The following GARRE1 variants were observed in gnomAD, a reference collection of about 807,000 sequenced individuals.
GARRE1 encodes the protein granule associated Rac and RHOG effector protein 1.
A neutral mutation model predicts 103.2 loss-of-function variants in GARRE1; 49 were observed. The ratio of observed to expected loss-of-function variants is 0.47; its 90% confidence interval spans 0.38 to 0.60. The LOEUF is 0.60. Among genes scored for constraint, GARRE1 ranks in the 20% least tolerant of loss-of-function variants. The pLI, the probability that GARRE1 is intolerant of heterozygous loss-of-function variation, is 0.00. For missense variants in GARRE1, 1,199 were observed against 1,370.5 expected (o/e 0.87, Z 1.98); for synonymous variants, 505 against 532.8 (o/e 0.95, Z 0.72).
rs1341575180 is a variant in GARRE1 at position 34,353,568 on chromosome 19, T to C, written c.*613T>C. The C allele has an allele frequency of 6.6e-6, 1 of 152,272 alleles. No individual in the cohort carries two copies. Among genetic ancestry groups the C allele is most frequent in the African/African-American group, 2.4e-5 (1 of 41,466 alleles). The allele number at this position is 152,272 out of a possible 1,614,324, so 9.4% of individuals were successfully genotyped here. On this transcript the variant is annotated 3_prime_UTR_variant, in exon 14 of 14. Transcript: ENST00000299505. ...AAATGGGCAAAATATAGAATATTTG[T>C]GATTGGAAGCAGTCACCTGGGGTTT...
At chr19:34,276,145 G>A (rs928698778) in intron 1 of GARRE1, among the ~76,000 whole-genome samples, 1 of 152,068 alleles carries the variant, frequency 6.6e-6, no homozygotes, top group Admixed American at 6.6e-5. Context: ...CTAGGTTCAA[G>A]CAGTTCTCCT....
At position 34,352,969 on chromosome 19, in the gene GARRE1, A is replaced by T. The variant is rs372433394; in HGVS notation, c.*14A>T. ...CCCCAGTACTGACCCCAGGCCAGCC[A>T]GCCTGCCTGCCTGCCTGCCTGCCCG... On this transcript the variant is annotated 3_prime_UTR_variant, in exon 14 of 14. Transcript: ENST00000299505. The T allele has an allele frequency of 0.021, 30,608 of 1,488,388 alleles. 328 individuals carry two copies. Among genetic ancestry groups the T allele is most frequent in the Non-Finnish European group, 0.024 (26,164 of 1,112,758 alleles). The allele number at this position is 1,488,388 out of a possible 1,614,324, so 92.2% of individuals were successfully genotyped here. A position where few individuals can be genotyped will look rare whatever the true frequency, so the allele number is the denominator to read the frequency against.
rs71165649 is a variant in GARRE1, at chr19:34,323,023, C to CTTTT, written c.705+2931_705+2934dup. 3.2e-3 allele frequency among the ~76,000 whole-genome samples: 212 copies of CTTTT among 66,682 alleles called. 2 individuals carry two copies. The highest frequency in any genetic ancestry group is 3.6e-3 in the Non-Finnish European group (135 of 37,274). The allele number at this position is 66,682 out of a possible 152,430, so 43.7% of individuals were successfully genotyped here. On this transcript the variant is annotated intron_variant, in intron 3 of 13. Coordinates refer to ENST00000299505, the MANE Select transcript of GARRE1 (RefSeq NM_014686.5). ...ATTAACTTGGCAAAGTATTTCTTTT[C>CTTTT]TTTTTTTTTTTTTTTTTTTTTTTTT...
intron 2 of GARRE1, among the ~76,000 whole-genome samples, chr19:34,312,001 A>G (rs1024640995): frequency 2.0e-5 from 3 of 151,908 alleles, no homozygotes; most frequent in Non-Finnish European, 4.4e-5. Context: ...TTTACTGTAG[A>G]GATGGAGTCT....
intron 1 of GARRE1, among the ~76,000 whole-genome samples, chr19:34,289,684 A>G (rs2073906297): frequency 6.6e-6 from 1 of 151,056 alleles, no homozygotes; most frequent in African/African-American, 2.4e-5. Flanking sequence ...AGATCATGCC[A>G]CTGCACTCCA....
intron 1 of GARRE1, among the ~76,000 whole-genome samples, chr19:34,286,495 A>G (rs1045314215): frequency 2.7e-5 from 4 of 147,662 alleles, no homozygotes; most frequent in Non-Finnish European, 4.5e-5. Flanking sequence ...CTGGGATTAC[A>G]GGTGTGAGCC....
intron 1 of GARRE1, chr19:34,296,515 T>C (rs1167289441): frequency 1.3e-6 from 2 of 1,595,444 alleles, no homozygotes; most frequent in Admixed American, 3.3e-5. Flanking sequence ...TCCTTGGGCT[T>C]TACGAGGGCC....
intron 1 of GARRE1, among the ~76,000 whole-genome samples, chr19:34,259,244 T>G (rs987567766): frequency 6.6e-5 from 10 of 152,240 alleles, no homozygotes; most frequent in Admixed American, 2.0e-4. Context: ...CTTAAGGTTC[T>G]TACCAGCCGG....
intron 1 of GARRE1, among the ~76,000 whole-genome samples, chr19:34,268,764 T>C (rs933940890): frequency 6.6e-6 from 1 of 152,120 alleles, no homozygotes; most frequent in African/African-American, 2.4e-5. Flanking sequence ...AGTTTGAGAC[T>C]GGCCTGGGCA....
chr19:34,279,813 G>A (rs1260761147), intron 1 of GARRE1, among the ~76,000 whole-genome samples: 1 of 151,272 alleles, frequency 6.6e-6, no homozygotes, highest in Non-Finnish European at 1.5e-5. Context: ...GTGAAACCCC[G>A]TCTCTACTAA....
intron 8 of GARRE1, among the ~76,000 whole-genome samples, chr19:34,336,408 T>C (rs1385535549): frequency 1.3e-5 from 2 of 152,210 alleles, no homozygotes; most frequent in Admixed American, 1.3e-4. Context: ...GTAAGATTTT[T>C]GTGTTACTAA....
At chr19:34,301,857 G>A (rs910498687) in intron 2 of GARRE1, among the ~76,000 whole-genome samples, 6 of 148,072 alleles carry the variant, frequency 4.1e-5, no homozygotes, top group African/African-American at 1.2e-4. Flanking sequence ...TAATTTTTTC[G>A]TATTTTTAGT....
At chr19:34,352,127 G>A (rs1211057293) in intron 13 of GARRE1, among the ~76,000 whole-genome samples, 6 of 151,146 alleles carry the variant, frequency 4.0e-5, no homozygotes, top group African/African-American at 9.7e-5. Context: ...TCAGCCGGGC[G>A]CAGTGGCGAC....
chr19:34,287,015 T>C (rs563767355), intron 1 of GARRE1, among the ~76,000 whole-genome samples: 8 of 151,602 alleles, frequency 5.3e-5, no homozygotes, highest in Middle Eastern at 6.8e-3. Flanking sequence ...GGCGGGCGCC[T>C]GTAGTCCCAG....
At position 34,355,346 on chromosome 19, in the gene GARRE1, T is replaced by C. The variant is rs373523639; in HGVS notation, c.*2391T>C. ...TGCTCTGAACACTGGTAATTCCAGG[T>C]GCTGCGCTTGGCAGAGGGGTCTCGC... On this transcript the variant is annotated 3_prime_UTR_variant, in exon 14 of 14. Transcript: ENST00000299505. 21 of 152,824 alleles carry C rather than the reference T, an allele frequency of 1.4e-4. No homozygotes were observed. The South Asian group carries it at 4.1e-3, about 30-fold the overall frequency. 9.5% of individuals were successfully genotyped at this position (152,824 alleles called of 1,614,324 possible). A position where few individuals can be genotyped will look rare whatever the true frequency, so the allele number is the denominator to read the frequency against.
chr19:34,296,724 T>G, intron 1 of GARRE1: 1 of 694,490 alleles, frequency 1.4e-6, no homozygotes, highest in Non-Finnish European at 2.6e-6. Context: ...TGTGGTATGG[T>G]TCTTGGACTT....
intron 3 of GARRE1, among the ~76,000 whole-genome samples, chr19:34,326,565 A>G (rs2074112896): frequency 6.6e-6 from 1 of 152,184 alleles, no homozygotes; most frequent in Non-Finnish European, 1.5e-5. Context: ...ATAAATATTT[A>G]CTTTTCTGTG....
chr19:34,283,186 C>T (rs2073865377), intron 1 of GARRE1, among the ~76,000 whole-genome samples: 1 of 152,188 alleles, frequency 6.6e-6, no homozygotes, highest in Non-Finnish European at 1.5e-5. Context: ...TAAAATTATT[C>T]TCTGTATTCA....
chr19:34,301,020 A>G, intron 2 of GARRE1, 52 bp downstream of exon 2: 2 of 1,522,962 alleles, frequency 1.3e-6, no homozygotes, highest in Non-Finnish European at 1.8e-6. Context: ...TACAAAGGTA[A>G]GTGAGAATAT....
Sources: allele counts gnomAD v4.1 joint callset (sites outside exome capture counted in the v4.1 genomes callset), GRCh38; gene constraint gnomAD v4.1.1; transcripts MANE v1.5; gene names NCBI Gene and HGNC (gene_info 2026-07-23, HGNC 2026-07-21).